The following TMEM132D variants were observed in gnomAD, a reference collection of about 807,000 sequenced individuals.
TMEM132D encodes transmembrane protein 132D, also known as mature OL transmembrane protein.
TMEM132D carries 21 observed loss-of-function variants against 62.3 expected under a neutral mutation model. That is an observed-to-expected ratio of 0.34 (90% confidence interval 0.24 to 0.49). The LOEUF is 0.49. Among genes scored for constraint, TMEM132D ranks in the 20% least tolerant of loss-of-function variants. TMEM132D has a pLI of 0.99. For missense variants in TMEM132D, 1,346 were observed against 1,402.8 expected, an observed-to-expected ratio of 0.96 and a Z score of 0.65; for synonymous variants, 621 against 575.6, an observed-to-expected ratio of 1.08 and a Z score of -1.13.
At chr12:129,137,743 T>C (rs941272350) in intron 5 of TMEM132D, among the ~76,000 whole-genome samples, 2 of 151,984 alleles carry the variant, frequency 1.3e-5, no homozygotes, top group Non-Finnish European at 2.9e-5. Flanking sequence ...GCATGATGGC[T>C]ATCTTGCAAC....
chr12:129,715,360 G>A (rs6486497), intron 1 of TMEM132D, among the ~76,000 whole-genome samples: 97,331 of 151,978 alleles, frequency 0.64, 31,225 homozygotes, highest in East Asian at 0.73. Context: ...TCAGGAAAAA[G>A]GTCAGAGGTG....
chr12:129,381,470 A>G (rs12310320), intron 3 of TMEM132D, among the ~76,000 whole-genome samples: 41,497 of 152,052 alleles, frequency 0.27, 5,889 homozygotes, highest in African/African-American at 0.33. Flanking sequence ...TTGTTTTTAA[A>G]ACTTTACTAA....
intron 5 of TMEM132D, among the ~76,000 whole-genome samples, chr12:129,095,810 C>T (rs1356758797): frequency 1.3e-5 from 2 of 152,190 alleles, no homozygotes; most frequent in African/African-American, 4.8e-5. Flanking sequence ...CTCTGACTTC[C>T]AGCATCTGCA....
intron 3 of TMEM132D, among the ~76,000 whole-genome samples, chr12:129,423,058 CAT>C (rs1010675525): frequency 2.0e-4 from 30 of 150,774 alleles, no homozygotes; most frequent in African/African-American, 5.1e-4. Flanking sequence ...CATGTATATA[CAT>C]ATATATATAT....
At chr12:129,705,492 A>C (rs1412503221) in intron 1 of TMEM132D, among the ~76,000 whole-genome samples, 1 of 152,230 alleles carries the variant, frequency 6.6e-6, no homozygotes, top group East Asian at 1.9e-4. Context: ...ATAATGATAA[A>C]TATTCACAGA....
chr12:129,287,656 C>T (rs1034859845), intron 4 of TMEM132D, among the ~76,000 whole-genome samples: 6 of 152,186 alleles, frequency 3.9e-5, no homozygotes, highest in Non-Finnish European at 7.3e-5. Context: ...GTTAACCTCA[C>T]CTGTAACAGG....
At chr12:129,400,393 T>C (rs1178931773) in intron 3 of TMEM132D, among the ~76,000 whole-genome samples, 1 of 152,192 alleles carries the variant, frequency 6.6e-6, no homozygotes, top group African/African-American at 2.4e-5. Flanking sequence ...CTTGTTGCTC[T>C]GTTTTGTTTT....
chr12:129,133,031 C>T (rs1876424622), intron 5 of TMEM132D, among the ~76,000 whole-genome samples: 1 of 152,142 alleles, frequency 6.6e-6, no homozygotes, highest in South Asian at 2.1e-4. Context: ...GTGCCTCCTC[C>T]AAGCTCAGTC....
At chr12:129,664,426 T>A (rs1322171818) in intron 2 of TMEM132D, among the ~76,000 whole-genome samples, 1 of 148,156 alleles carries the variant, frequency 6.7e-6, no homozygotes, top group Non-Finnish European at 1.5e-5. Context: ...CAAGAATTTT[T>A]TTTTTTTTTT....
At chr12:129,275,538 T>C (rs943994665) in intron 4 of TMEM132D, among the ~76,000 whole-genome samples, 32 of 152,128 alleles carry the variant, frequency 2.1e-4, no homozygotes, top group Admixed American at 6.6e-4. Flanking sequence ...CTCAGGAAAC[T>C]TCATATCCCC....
At chr12:129,821,171 G>A (rs1473107115) in intron 1 of TMEM132D, among the ~76,000 whole-genome samples, 1 of 152,104 alleles carries the variant, frequency 6.6e-6, no homozygotes, top group African/African-American at 2.4e-5. Context: ...GAAATAGGGG[G>A]TTCGAGAAAT....
chr12:129,545,630 C>G (rs11060423), intron 2 of TMEM132D, among the ~76,000 whole-genome samples: 1 of 152,086 alleles, frequency 6.6e-6, no homozygotes, highest in Non-Finnish European at 1.5e-5. Flanking sequence ...CTCCCACTCC[C>G]TGCCTCTGGC....
intron 1 of TMEM132D, among the ~76,000 whole-genome samples, chr12:129,708,629 AAACACACACACAC>A (rs1593129125): frequency 1.2e-5 from 1 of 82,726 alleles, no homozygotes; most frequent in African/African-American, 5.2e-5. Context: ...AAAAAAAAAA[AAACACACACACAC>A]ACACACACAC....
intron 3 of TMEM132D, among the ~76,000 whole-genome samples, chr12:129,386,374 A>T (rs1329431325): frequency 6.6e-6 from 1 of 152,170 alleles, no homozygotes; most frequent in Non-Finnish European, 1.5e-5. Context: ...CAATAACACC[A>T]GCTCCAATGC....
chr12:129,502,255 T>C lies in TMEM132D; in HGVS notation c.1115+28804A>G, dbSNP rs536820944. ...ACCTCGTGATCCACCCGCCTCGGCC[T>C]CCCAAAGTGCTGGGATTACAAGCGT... On this transcript the variant is annotated intron_variant, in intron 3 of 8. Transcript: ENST00000422113. Among the ~76,000 whole-genome samples, 6 of 152,306 alleles carry C rather than the reference T, an allele frequency of 3.9e-5. No homozygotes were observed. In the South Asian group the frequency reaches 8.3e-4, roughly 21 times the overall value.
Position 129,763,025 on chromosome 12 carries a change from C to T in TMEM132D, c.80-62327G>A, listed in dbSNP as rs148287688. ...ATATTTGCATGTAAAAGGAGAAATA[C>T]GCCTCCTAGTTCTTAAATCAGAGAG... On this transcript the variant is annotated intron_variant, in intron 1 of 8. Transcript: ENST00000422113. Among the ~76,000 whole-genome samples the T allele has an allele frequency of 4.5e-4, 68 of 152,286 alleles. 1 individual carries two copies. In the East Asian group the frequency reaches 0.012, roughly 26 times the overall value.
At chr12:129,556,703 T>C (rs1398448861) in intron 2 of TMEM132D, among the ~76,000 whole-genome samples, 3 of 152,216 alleles carry the variant, frequency 2.0e-5, no homozygotes, top group African/African-American at 7.2e-5. Context: ...TAGCCCCTGA[T>C]AATGGAAATC....
chr12:129,759,583 T>G lies in TMEM132D; in HGVS notation c.80-58885A>C, dbSNP rs1329958475. On this transcript the variant is annotated intron_variant, in intron 1 of 8. Coordinates refer to ENST00000422113, the MANE Select transcript of TMEM132D (RefSeq NM_133448.3). ...TTATTCCAACGCCTTGCTCATTACA[T>G]GAGAGAGTAGGTAAAAGTCCCAGTG... Among the ~76,000 whole-genome samples the G allele has an allele frequency of 5.3e-5, 8 of 152,300 alleles. No individual in the cohort carries two copies. The East Asian group carries it at 1.4e-3, about 26-fold the overall frequency.
intron 3 of TMEM132D, among the ~76,000 whole-genome samples, chr12:129,437,624 C>A (rs1328604259): frequency 6.6e-6 from 1 of 152,168 alleles, no homozygotes; most frequent in African/African-American, 2.4e-5. Context: ...ACTGGCATAA[C>A]CACTTTGGAA....
Sources: gnomAD v4.1 joint callset for allele counts (sites outside exome capture counted in the v4.1 genomes callset) on GRCh38, gnomAD v4.1.1 for gene constraint, MANE v1.5 for transcripts, NCBI Gene and HGNC (gene_info 2026-07-23, HGNC 2026-07-21) for gene names.